Variants in RIMBP2 observed in about 807,000 individuals in gnomAD.
The protein encoded by RIMBP2 is RIMS binding protein 2, also known as RIMS-binding protein 2.
Under a neutral mutation model 118.6 loss-of-function variants are expected in RIMBP2, and 48 were observed. That is an observed-to-expected ratio of 0.40 (90% confidence interval 0.32 to 0.51). RIMBP2 has a LOEUF of 0.51. RIMBP2 is among the 20% of genes least tolerant of loss of function. RIMBP2 has a pLI of 0.41. For synonymous variants in RIMBP2, 762 were observed against 742.9 expected (o/e 1.03, Z -0.42); for missense variants, 1,551 against 1,768.3 (o/e 0.88, Z 2.20).
chr12:130,647,015 G>A (rs1566424398), intron 1 of RIMBP2, among the ~76,000 whole-genome samples: 1 of 152,226 alleles, frequency 6.6e-6, no homozygotes, highest in African/African-American at 2.4e-5. Context: ...GGCAGAGTGG[G>A]GACCCATCTT....
chr12:130,404,445 A>T (rs943117060), intron 21 of RIMBP2, among the ~76,000 whole-genome samples: 2 of 152,118 alleles, frequency 1.3e-5, no homozygotes, highest in African/African-American at 4.8e-5. Flanking sequence ...TTACAGGCAC[A>T]TGCCACCACG....
chr12:130,523,514 A>C lies in RIMBP2; in HGVS notation c.-216-5597T>G, dbSNP rs2052403780. Among the ~76,000 whole-genome samples, 1 of 152,230 alleles carries C rather than the reference A, an allele frequency of 6.6e-6. No homozygotes were observed. The highest frequency in any genetic ancestry group is 1.5e-5 in the Non-Finnish European group (1 of 68,042). ...AGGCAGCTCAAGGGCTCGTCAAGGAAGAAACTGGGTCTTCTGAAGACACCC... is the reference window on the plus strand; with the variant it reads ...AGGCAGCTCAAGGGCTCGTCAAGGACGAAACTGGGTCTTCTGAAGACACCC... On this transcript the variant is annotated intron_variant, in intron 2 of 22. Coordinates refer to ENST00000690449, the MANE Select transcript of RIMBP2 (RefSeq NM_001393629.1). This position sits in a 1 kb window ranked among gnomAD's most constrained non-coding sequence, Gnocchi z 4.4.
At chr12:130,613,955 AG>A (rs1281344417) in intron 2 of RIMBP2, among the ~76,000 whole-genome samples, 1 of 152,114 alleles carries the variant, frequency 6.6e-6, no homozygotes, top group Non-Finnish European at 1.5e-5. Context: ...AGAGGGAGGG[AG>A]GCAGGTCCTT....
intron 1 of RIMBP2, among the ~76,000 whole-genome samples, chr12:130,673,405 C>G (rs548217511): frequency 6.6e-6 from 1 of 152,320 alleles, no homozygotes; most frequent in East Asian, 1.9e-4. Flanking sequence ...AAACCTGGAG[C>G]TGTAGCGAAG....
chr12:130,639,435 C>CAG (rs1370461006), intron 1 of RIMBP2, among the ~76,000 whole-genome samples: 1 of 134,216 alleles, frequency 7.5e-6, no homozygotes, highest in African/African-American at 2.8e-5. Context: ...CCTGTAATCC[C>CAG]AGCACTCTGG....
At chr12:130,709,807 T>C (rs1478312977) in intron 1 of RIMBP2, among the ~76,000 whole-genome samples, 1 of 151,412 alleles carries the variant, frequency 6.6e-6, no homozygotes, top group Non-Finnish European at 1.5e-5. Context: ...CCAGGAGCGT[T>C]TAATCAGAGG....
At chr12:130,704,449 C>A (rs2066000350) in intron 1 of RIMBP2, among the ~76,000 whole-genome samples, 1 of 152,048 alleles carries the variant, frequency 6.6e-6, no homozygotes, top group South Asian at 2.1e-4. Flanking sequence ...GTGGCGGGCA[C>A]CTGTAATCCC....
At chr12:130,559,239 T>G (rs1425410855) in intron 2 of RIMBP2, among the ~76,000 whole-genome samples, 1 of 152,206 alleles carries the variant, frequency 6.6e-6, no homozygotes, top group Non-Finnish European at 1.5e-5. Flanking sequence ...GGCACCATGT[T>G]GCACAGGCAG....
chr12:130,649,404 C>A (rs886184261), intron 1 of RIMBP2, among the ~76,000 whole-genome samples: 1 of 152,242 alleles, frequency 6.6e-6, no homozygotes, highest in Non-Finnish European at 1.5e-5. Flanking sequence ...CCGCATCCAG[C>A]CAGTGGGGTA....
rs565868739 is a variant in RIMBP2, at chr12:130,621,718, G to A, written c.-217+6604C>T. 4.5e-4 allele frequency among the ~76,000 whole-genome samples: 68 copies of A among 152,176 alleles called. No homozygotes were observed. The highest frequency in any genetic ancestry group is 8.8e-4 in the Non-Finnish European group (60 of 68,036). ...GTTTACCAAGAGACACGAGTGAAAT[G>A]GATGATACCGAGACCTGGGTACCAT... On this transcript the variant is annotated intron_variant, in intron 2 of 22. Coordinates refer to ENST00000690449, the MANE Select transcript of RIMBP2 (RefSeq NM_001393629.1). The surrounding 1 kb of genome is among the most constrained non-coding windows in gnomAD (Gnocchi z 6.6).
At chr12:130,671,059 G>A (rs992039938) in intron 1 of RIMBP2, among the ~76,000 whole-genome samples, 13 of 152,128 alleles carry the variant, frequency 8.5e-5, no homozygotes, top group Admixed American at 2.0e-4. Flanking sequence ...CACACAGGCC[G>A]GGAAGGCTTC....
intron 19 of RIMBP2, among the ~76,000 whole-genome samples, chr12:130,409,332 CTTTTTTTTTTTTTTT>C: frequency 1.5e-5 from 1 of 65,402 alleles, no homozygotes; most frequent in South Asian, 7.8e-4. Flanking sequence ...CAAAATGTAG[CTTTTTTTTTTTTTTT>C]TTTTTTTTTT....
chr12:130,680,493 ACTC>A (rs2064727507), intron 1 of RIMBP2, among the ~76,000 whole-genome samples: 2 of 152,160 alleles, frequency 1.3e-5, no homozygotes, highest in South Asian at 2.1e-4. Flanking sequence ...GGGAACACAC[ACTC>A]AGATACACAC....
intron 4 of RIMBP2, among the ~76,000 whole-genome samples, chr12:130,486,722 A>C (rs1188120359): frequency 1.4e-5 from 2 of 142,620 alleles, no homozygotes; most frequent in Non-Finnish European, 3.1e-5. Flanking sequence ...AAAAAAAAAA[A>C]CCTCCCAATT....
At chr12:130,421,769 T>A (rs1487693679) in intron 17 of RIMBP2, among the ~76,000 whole-genome samples, 1 of 151,940 alleles carries the variant, frequency 6.6e-6, no homozygotes, top group African/African-American at 2.4e-5. Flanking sequence ...CAGCTTCCAT[T>A]ATCTTGTGCA....
chr12:130,414,403 G>T, intron 17 of RIMBP2, 97 bp from the exon 18 acceptor site: 1 of 1,258,698 alleles, frequency 7.9e-7, no homozygotes, highest in Non-Finnish European at 1.1e-6. Flanking sequence ...GGATGGCAGC[G>T]GTTCCTTGAC....
chr12:130,629,009 C>A (rs2061818867), intron 1 of RIMBP2, among the ~76,000 whole-genome samples: 1 of 152,190 alleles, frequency 6.6e-6, no homozygotes, highest in South Asian at 2.1e-4. Context: ...CCTTGGCCAT[C>A]AAATATTCAA....
chr12:130,620,525 C>T lies in RIMBP2; in HGVS notation c.-217+7797G>A, dbSNP rs148662564. On this transcript the variant is annotated intron_variant, in intron 2 of 22. Transcript: ENST00000690449. This position sits in a 1 kb window ranked among gnomAD's most constrained non-coding sequence, Gnocchi z 5.3. ...AGGAGGCTTGAAGAACAGGCATGCA[C>T]GGCCCCACAGTCCCAGGGGCCAGAT... Among the ~76,000 whole-genome samples the T allele has an allele frequency of 2.0e-5, 3 of 152,324 alleles. No individual in the cohort carries two copies. Among genetic ancestry groups the T allele is most frequent in the East Asian group, 1.9e-4 (1 of 5,176 alleles).
intron 4 of RIMBP2, among the ~76,000 whole-genome samples, chr12:130,492,138 C>T (rs374472491): frequency 5.9e-5 from 9 of 152,286 alleles, no homozygotes; most frequent in South Asian, 2.1e-4. Flanking sequence ...GGATCTGCTA[C>T]GCGTGGTAGA....
Sources: gnomAD v4.1 joint callset for allele counts (sites outside exome capture counted in the v4.1 genomes callset) on GRCh38, gnomAD v4.1.1 for gene constraint, Gnocchi (gnomAD v3.1) non-coding constraint, MANE v1.5 for transcripts, NCBI Gene and HGNC (gene_info 2026-07-23, HGNC 2026-07-21) for gene names.